Variants in AASDHPPT observed in about 807,000 individuals in gnomAD.
AASDHPPT encodes the protein L-aminoadipate-semialdehyde dehydrogenase-phosphopantetheinyl transferase.
Under a neutral mutation model 36.4 loss-of-function variants are expected in AASDHPPT, and 23 were observed. The ratio of observed to expected loss-of-function variants is 0.63; its 90% CI spans 0.45 to 0.89. AASDHPPT has a LOEUF of 0.89. AASDHPPT is among the 40% of genes least tolerant of loss of function. The probability of loss-of-function intolerance (pLI) is 0.00; values close to 1 mark genes in which losing one functional copy is unlikely to be tolerated. For synonymous variants in AASDHPPT, 115 were observed against 128.0 expected, an observed-to-expected ratio of 0.90 and a Z score of 0.68; for missense variants, 377 against 378.2, an observed-to-expected ratio of 1.00 and a Z score of 0.03.
chr11:106,096,773 C>T lies in AASDHPPT; in HGVS notation c.796C>T (p.Gln266Ter), dbSNP rs1317645515. The T allele has an allele frequency of 1.2e-6, 2 of 1,606,118 alleles. No homozygotes were observed. The highest frequency in any genetic ancestry group is 2.7e-5 in the African/African-American group (2 of 74,422). Reference protein sequence around the residue: ...VPSQDDSKPTQRQFTILNFND... With the variant: ...VPSQDDSKPT ...ATCTCAGGATGATTCCAAACCAACC[C>T]AGAGGCAATTTACTATTCTCAACTT... The change falls in exon 6 of 6, where the codon CAG becomes TAG. Residue 266 changes from glutamine to a stop codon, truncating the protein, a stop_gained. Transcript: ENST00000278618. LOFTEE classifies it high-confidence loss of function.
chr11:106,086,354 C>T (rs1234007583), intron 2 of AASDHPPT: 1 of 152,320 alleles, frequency 6.6e-6, no homozygotes, highest in Admixed American at 6.5e-5. Flanking sequence ...TCTGTCTCCT[C>T]TCTGTGTGTC....
Position 106,096,980 on chromosome 11 carries a change from T to G in AASDHPPT, c.*73T>G. On this transcript the variant is annotated 3_prime_UTR_variant, in exon 6 of 6. Transcript: ENST00000278618. The stretch of plus-strand genomic sequence containing the variant: ...GTATTCACTGAAAAATAAATGCTTG[T>G]TTAGTATCAAATTTTATTTCACGAA... The G allele has an allele frequency of 7.2e-7, 1 of 1,391,802 alleles. No individual in the cohort carries two copies. The highest frequency in any genetic ancestry group is 9.6e-7 in the Non-Finnish European group (1 of 1,046,854). 86.2% of individuals were successfully genotyped at this position (1,391,802 alleles called of 1,614,324 possible). A position where few individuals can be genotyped will look rare whatever the true frequency, so the allele number is the denominator to read the frequency against.
rs539475209 is a variant in AASDHPPT, at chr11:106,079,879, A to G, written c.409+187A>G. Reference sequence around the variant, plus strand: ...TATTTCCATGAATATTTACAGACTTACACATAAATAATAGATTATCCGTTA... The same window carrying G: ...TATTTCCATGAATATTTACAGACTTGCACATAAATAATAGATTATCCGTTA... On this transcript the variant is annotated intron_variant, in intron 2 of 5. Coordinates refer to ENST00000278618, the MANE Select transcript of AASDHPPT (RefSeq NM_015423.3). Among the ~76,000 whole-genome samples, 6 of 152,186 alleles carry G rather than the reference A, an allele frequency of 3.9e-5. No homozygotes were observed. The South Asian group carries it at 1.2e-3, about 32-fold the overall frequency.
chr11:106,090,062 C>T (rs1357419744), intron 2 of AASDHPPT, among the ~76,000 whole-genome samples: 1 of 151,842 alleles, frequency 6.6e-6, no homozygotes, highest in East Asian at 1.9e-4. Context: ...GCTAATTTTC[C>T]AAAAATTGTA....
intron 5 of AASDHPPT, 68 bp downstream of exon 5, chr11:106,094,722 G>A: frequency 8.0e-7 from 1 of 1,250,268 alleles, no homozygotes; most frequent in Admixed American, 2.3e-5. Flanking sequence ...CTTTATTGAT[G>A]GAAATAGTCA....
At position 106,077,686 on chromosome 11, in the gene AASDHPPT, T is replaced by A. The variant is rs199704610; in HGVS notation, c.-25T>A. 5 of 1,603,206 alleles carry A rather than the reference T, an allele frequency of 3.1e-6. No homozygotes were observed. The highest frequency in any genetic ancestry group is 2.3e-5 in the East Asian group (1 of 44,352). ...TGCGTCCGCGCCATCAGGCCCGAGA[T>A]AGCGGCGAGGTCCGCTTTCAGTGTA... On this transcript the variant is annotated 5_prime_UTR_variant, in exon 1 of 6. Coordinates refer to ENST00000278618, the MANE Select transcript of AASDHPPT (RefSeq NM_015423.3).
At chr11:106,079,094 A>G (rs1202897456) in intron 1 of AASDHPPT, among the ~76,000 whole-genome samples, 1 of 152,238 alleles carries the variant, frequency 6.6e-6, no homozygotes, top group African/African-American at 2.4e-5. Flanking sequence ...GACATAAAAT[A>G]CTTCCCAATA....
chr11:106,091,668 G>A, intron 4 of AASDHPPT, 191 bp downstream of exon 4: 1 of 494,038 alleles, frequency 2.0e-6, no homozygotes, highest in Non-Finnish European at 3.4e-6. Context: ...GTTGAAAGAT[G>A]AGTCATTGTG....
rs909691056 is a variant in AASDHPPT, at chr11:106,091,211, C to G, written c.532-105C>G. ...TTTAAAAAGGTTATAGCTATATAGC[C>G]ATAATGTAGTATAGCATTGAAACTC... On this transcript the variant is annotated intron_variant, in intron 3 of 5. Transcript: ENST00000278618. 1.3e-5 allele frequency: 12 copies of G among 918,364 alleles called. No individual in the cohort carries two copies. In the East Asian group the frequency reaches 3.1e-4, roughly 24 times the overall value. The allele number at this position is 918,364 out of a possible 1,614,324, so 56.9% of individuals were successfully genotyped here.
intron 2 of AASDHPPT, among the ~76,000 whole-genome samples, chr11:106,082,549 T>C (rs1861155000): frequency 6.6e-6 from 1 of 152,138 alleles, no homozygotes. Context: ...TCAATTCCAT[T>C]ACTCTGTCTT....
chr11:106,083,821 T>C (rs970007515), intron 2 of AASDHPPT, among the ~76,000 whole-genome samples: 4 of 152,180 alleles, frequency 2.6e-5, no homozygotes, highest in East Asian at 1.9e-4. Flanking sequence ...TATAGTTGAC[T>C]ATGATGTCGA....
At chr11:106,092,863 A>T (rs779851627) in intron 4 of AASDHPPT, 1 of 152,218 alleles carries the variant, frequency 6.6e-6, no homozygotes, top group Non-Finnish European at 1.5e-5. Flanking sequence ...GTAGGCTGAT[A>T]TAAGTATTCT....
intron 2 of AASDHPPT, among the ~76,000 whole-genome samples, chr11:106,088,476 C>T (rs544182083): frequency 1.3e-5 from 2 of 152,208 alleles, no homozygotes; most frequent in African/African-American, 4.8e-5. Context: ...GTTTATTCCT[C>T]CCATTATTGT....
chr11:106,085,489 C>T (rs1591544134), intron 2 of AASDHPPT, among the ~76,000 whole-genome samples: 1 of 152,236 alleles, frequency 6.6e-6, no homozygotes, highest in East Asian at 1.9e-4. Flanking sequence ...AATAATAAAC[C>T]ACTAAGTCAA....
intron 2 of AASDHPPT, among the ~76,000 whole-genome samples, chr11:106,083,111 T>G (rs143819750): frequency 7.2e-5 from 11 of 152,260 alleles, no homozygotes; most frequent in African/African-American, 2.4e-4. Flanking sequence ...CACTTTGTAC[T>G]CTGAATTCCT....
intron 2 of AASDHPPT, among the ~76,000 whole-genome samples, chr11:106,087,409 G>A (rs1861207999): frequency 6.6e-6 from 1 of 152,018 alleles, no homozygotes. Context: ...TTAGTACTTA[G>A]AAAGTGAAAC....
At chr11:106,093,419 T>G (rs1303990076) in intron 4 of AASDHPPT, 1 of 152,166 alleles carries the variant, frequency 6.6e-6, no homozygotes, top group East Asian at 1.9e-4. Context: ...TTCCAGTTAC[T>G]TTTTTCTTGT....
At position 106,077,684 on chromosome 11, in the gene AASDHPPT, G is replaced by A. The variant is rs1237957927; in HGVS notation, c.-27G>A. On this transcript the variant is annotated 5_prime_UTR_variant, in exon 1 of 6. Transcript: ENST00000278618. ...TTTGCGTCCGCGCCATCAGGCCCGA[G>A]ATAGCGGCGAGGTCCGCTTTCAGTG... The A allele has an allele frequency of 3.7e-6, 6 of 1,602,364 alleles. No homozygotes were observed. The highest frequency in any genetic ancestry group is 3.4e-6 in the Non-Finnish European group (4 of 1,171,674).
intron 4 of AASDHPPT, 176 bp from the exon 5 acceptor site, chr11:106,094,407 T>C: frequency 2.2e-6 from 1 of 445,546 alleles, no homozygotes. Flanking sequence ...CCAGCACATA[T>C]GTAACTTCTA....
Sources: allele counts gnomAD v4.1 joint callset (sites outside exome capture counted in the v4.1 genomes callset), GRCh38; gene constraint gnomAD v4.1.1; transcripts MANE v1.5; gene names NCBI Gene and HGNC (gene_info 2026-07-23, HGNC 2026-07-21).